Variants in ST6GALNAC5 observed in about 807,000 individuals in gnomAD.
The protein encoded by ST6GALNAC5 is alpha-N-acetylgalactosaminide alpha-2,6-sialyltransferase 5.
A neutral mutation model predicts 33.6 loss-of-function variants in ST6GALNAC5; 27 were observed. The observed-to-expected ratio is 0.80, with a 90% confidence interval of 0.59 to 1.11. ST6GALNAC5 has a LOEUF of 1.11. Ranked by LOEUF, ST6GALNAC5 falls within the 50% of genes least tolerant of loss-of-function variation. The pLI, the probability that ST6GALNAC5 is intolerant of heterozygous loss-of-function variation, is 0.00. For synonymous variants in ST6GALNAC5, 194 were observed against 171.2 expected (o/e 1.13, Z -1.04); for missense variants, 428 against 454.0 (o/e 0.94, Z 0.52).
At chr1:77,015,267 C>G (rs1650786076) in intron 2 of ST6GALNAC5, among the ~76,000 whole-genome samples, 1 of 152,114 alleles carries the variant, frequency 6.6e-6, no homozygotes, top group African/African-American at 2.4e-5. Flanking sequence ...GATGAGATGT[C>G]CTAATTTAAG....
At chr1:77,006,718 C>T (rs893819697) in intron 2 of ST6GALNAC5, among the ~76,000 whole-genome samples, 1 of 152,144 alleles carries the variant, frequency 6.6e-6, no homozygotes, top group African/African-American at 2.4e-5. Context: ...TGCAACCAAC[C>T]ACTCCAAACA....
chr1:76,890,807 T>C (rs898535261), intron 2 of ST6GALNAC5, among the ~76,000 whole-genome samples: 2 of 152,092 alleles, frequency 1.3e-5, no homozygotes, highest in Non-Finnish European at 2.9e-5. Flanking sequence ...ATTATAAACA[T>C]GTTAGAATTT....
At chr1:76,897,118 T>C (rs146564858) in intron 2 of ST6GALNAC5, among the ~76,000 whole-genome samples, 5,822 of 152,162 alleles carry the variant, frequency 0.038, 255 homozygotes, top group African/African-American at 0.11. Flanking sequence ...ACTGAAGTAA[T>C]GGGGGCTGCC....
intron 2 of ST6GALNAC5, among the ~76,000 whole-genome samples, chr1:77,007,949 C>A (rs905658681): frequency 1.3e-5 from 2 of 152,220 alleles, no homozygotes; most frequent in African/African-American, 4.8e-5. Flanking sequence ...GAGTCACATC[C>A]AGCTGAGCAG....
At chr1:76,935,621 G>A (rs1040995074) in intron 2 of ST6GALNAC5, among the ~76,000 whole-genome samples, 5 of 151,882 alleles carry the variant, frequency 3.3e-5, no homozygotes, top group South Asian at 4.1e-4. Context: ...TAAATTCCTT[G>A]GTTAATTCCT....
intron 2 of ST6GALNAC5, among the ~76,000 whole-genome samples, chr1:76,941,881 G>T (rs1647346772): frequency 6.6e-6 from 1 of 152,132 alleles, no homozygotes; most frequent in African/African-American, 2.4e-5. Flanking sequence ...GACTGCCTCA[G>T]AAAACTAATA....
At chr1:77,052,182 A>T (rs922110458) in intron 4 of ST6GALNAC5, among the ~76,000 whole-genome samples, 1 of 152,238 alleles carries the variant, frequency 6.6e-6, no homozygotes, top group Non-Finnish European at 1.5e-5. Context: ...ACTCTTCAAA[A>T]GGACCCCTAC....
intron 2 of ST6GALNAC5, among the ~76,000 whole-genome samples, chr1:76,882,580 G>T (rs1653805951): frequency 6.6e-6 from 1 of 152,124 alleles, no homozygotes; most frequent in African/African-American, 2.4e-5. Context: ...ACTCTTAATG[G>T]CTAAGGAGGT....
At chr1:76,879,203 G>A (rs1443103966) in intron 2 of ST6GALNAC5, among the ~76,000 whole-genome samples, 1 of 152,112 alleles carries the variant, frequency 6.6e-6, no homozygotes, top group Non-Finnish European at 1.5e-5. Context: ...ATCTCCCTAA[G>A]CCTTTGGGTC....
chr1:76,946,490 A>T (rs747213319), intron 2 of ST6GALNAC5, among the ~76,000 whole-genome samples: 10 of 152,132 alleles, frequency 6.6e-5, no homozygotes, highest in Non-Finnish European at 1.3e-4. Context: ...ATTACCTCCA[A>T]CTAGAATGAA....
chr1:77,007,765 G>A (rs918366839), intron 2 of ST6GALNAC5, among the ~76,000 whole-genome samples: 6 of 152,354 alleles, frequency 3.9e-5, no homozygotes, highest in Admixed American at 2.6e-4. Flanking sequence ...AGAAGTAACC[G>A]TGGCTTGCCG....
At chr1:76,998,863 A>G (rs1456324752) in intron 2 of ST6GALNAC5, among the ~76,000 whole-genome samples, 1 of 152,188 alleles carries the variant, frequency 6.6e-6, no homozygotes, top group Admixed American at 6.5e-5. Flanking sequence ...ATACTACTTG[A>G]AAGTTCCATC....
At chr1:77,042,564 A>G (rs1394178056) in intron 2 of ST6GALNAC5, among the ~76,000 whole-genome samples, 1 of 152,170 alleles carries the variant, frequency 6.6e-6, no homozygotes, top group Non-Finnish European at 1.5e-5. Context: ...GTGAGTACTT[A>G]TTGTACAATT....
intron 2 of ST6GALNAC5, among the ~76,000 whole-genome samples, chr1:76,969,856 G>C (rs977339995): frequency 1.3e-5 from 2 of 152,120 alleles, no homozygotes; most frequent in African/African-American, 4.8e-5. Flanking sequence ...AATATTTGCT[G>C]TTCTGCAATA....
At chr1:77,025,348 C>T (rs780334371) in intron 2 of ST6GALNAC5, among the ~76,000 whole-genome samples, 6 of 152,136 alleles carry the variant, frequency 3.9e-5, no homozygotes, top group Non-Finnish European at 8.8e-5. Context: ...GCCAGGCTAA[C>T]ATGGTGAAAT....
chr1:76,987,536 T>A (rs989012078), intron 2 of ST6GALNAC5, among the ~76,000 whole-genome samples: 1 of 152,134 alleles, frequency 6.6e-6, no homozygotes, highest in African/African-American at 2.4e-5. Context: ...CCTGGCTGTT[T>A]CTCAAACGAT....
At chr1:76,999,538 G>A (rs2100406680) in intron 2 of ST6GALNAC5, among the ~76,000 whole-genome samples, 1 of 149,296 alleles carries the variant, frequency 6.7e-6, no homozygotes, top group Non-Finnish European at 1.5e-5. Context: ...TGTGCACATT[G>A]TGCAGGTTAG....
At chr1:76,878,021 A>G (rs899122275) in intron 2 of ST6GALNAC5, among the ~76,000 whole-genome samples, 1 of 152,136 alleles carries the variant, frequency 6.6e-6, no homozygotes, top group Non-Finnish European at 1.5e-5. Context: ...TGTTAAGTTT[A>G]TGATAATCCA....
At chr1:77,007,862 G>T (rs554241189) in intron 2 of ST6GALNAC5, among the ~76,000 whole-genome samples, 1 of 152,212 alleles carries the variant, frequency 6.6e-6, no homozygotes, top group Non-Finnish European at 1.5e-5. Context: ...TTTCTGCAAG[G>T]CTTTGTGGCT....
Sources: gnomAD v4.1 joint callset for allele counts (sites outside exome capture counted in the v4.1 genomes callset) on GRCh38, gnomAD v4.1.1 for gene constraint, MANE v1.5 for transcripts, NCBI Gene and HGNC (gene_info 2026-07-23, HGNC 2026-07-21) for gene names.